Variants in ACER3 observed in about 807,000 individuals in gnomAD.
ACER3 encodes alkaline ceramidase 3.
ACER3 carries 16 observed loss-of-function variants against 48.9 expected under a neutral mutation model. That is an observed-to-expected ratio of 0.33 (90% CI 0.22 to 0.50). The LOEUF is 0.50. Among genes scored for constraint, ACER3 ranks in the 20% least tolerant of loss-of-function variants. The pLI, the probability that ACER3 is intolerant of heterozygous loss-of-function variation, is 0.98. For synonymous variants in ACER3, 109 were observed against 107.8 expected (o/e 1.01, Z -0.07); for missense variants, 227 against 326.0 (o/e 0.70, Z 2.34).
At position 76,866,290 on chromosome 11, in the gene ACER3, CTTCT is replaced by C. The variant is rs1210656533; in HGVS notation, c.103+5212_103+5215del. On this transcript the variant is annotated intron_variant, in intron 1 of 10. Transcript: ENST00000532485. ...TACATCATTCTTGGCCAATTCTCTC[CTTCT>C]GTTACTCAATTTTGTAACATGGCAC... is the stretch of plus-strand genomic sequence containing the variant. Among the ~76,000 whole-genome samples the C allele has an allele frequency of 2.0e-5, 3 of 152,092 alleles. No individual in the cohort carries two copies. The East Asian group carries it at 5.8e-4, about 29-fold the overall frequency.
At chr11:76,864,817 C>T (rs1182318774) in intron 1 of ACER3, among the ~76,000 whole-genome samples, 2 of 135,306 alleles carry the variant, frequency 1.5e-5, no homozygotes, top group African/African-American at 5.0e-5. Context: ...CCAGGCTGGT[C>T]TCGAACTCCT....
At chr11:76,990,491 C>T (rs758268163) in intron 5 of ACER3, 48 bp from the exon 6 acceptor site, 127 of 1,350,588 alleles carry the variant, frequency 9.4e-5, no homozygotes, top group Non-Finnish European at 1.3e-4. Context: ...GTTTTTCCCC[C>T]CTTCATAATG....
intron 2 of ACER3, among the ~76,000 whole-genome samples, chr11:76,951,106 A>G (rs1947655957): frequency 6.6e-6 from 1 of 152,220 alleles, no homozygotes; most frequent in Non-Finnish European, 1.5e-5. Context: ...TAAAATTTAT[A>G]TACTAAAATC....
intron 2 of ACER3, among the ~76,000 whole-genome samples, chr11:76,939,885 G>C (rs1947292060): frequency 6.6e-6 from 1 of 152,132 alleles, no homozygotes; most frequent in Non-Finnish European, 1.5e-5. Context: ...ATTCTGGGTT[G>C]GGGCATGAGG....
At chr11:76,950,799 T>C (rs1355482330) in intron 2 of ACER3, among the ~76,000 whole-genome samples, 9 of 151,912 alleles carry the variant, frequency 5.9e-5, no homozygotes, top group South Asian at 2.1e-4. Context: ...AGTTCCAAAG[T>C]TGATTTGGAG....
At chr11:77,017,477 G>A (rs921241005) in intron 9 of ACER3, among the ~76,000 whole-genome samples, 6 of 152,054 alleles carry the variant, frequency 3.9e-5, no homozygotes, top group Admixed American at 6.6e-5. Context: ...TAAGCAAAAC[G>A]CAAACAAATG....
chr11:76,890,955 CAA>C (rs1255935552), intron 1 of ACER3, among the ~76,000 whole-genome samples: 1 of 151,418 alleles, frequency 6.6e-6, no homozygotes, highest in Non-Finnish European at 1.5e-5. Flanking sequence ...CTGTCTCTAC[CAA>C]AAAATACAAA....
At chr11:76,864,520 T>TTA (rs1353595341) in intron 1 of ACER3, among the ~76,000 whole-genome samples, 5 of 151,776 alleles carry the variant, frequency 3.3e-5, no homozygotes, top group Middle Eastern at 6.8e-3. Context: ...ACTATTTTGT[T>TTA]TATAAAAATC....
At chr11:76,919,657 G>C (rs556891840) in intron 1 of ACER3, among the ~76,000 whole-genome samples, 1 of 152,094 alleles carries the variant, frequency 6.6e-6, no homozygotes, top group East Asian at 1.9e-4. Flanking sequence ...TTTTTTAATT[G>C]AATTTTCTGG....
chr11:76,904,292 C>T (rs1210509227), intron 1 of ACER3, among the ~76,000 whole-genome samples: 1 of 152,158 alleles, frequency 6.6e-6, no homozygotes, highest in African/African-American at 2.4e-5. Flanking sequence ...CTACTGCACT[C>T]TGCCCAACCC....
intron 1 of ACER3, among the ~76,000 whole-genome samples, chr11:76,871,554 C>G (rs1945240658): frequency 6.6e-6 from 1 of 152,058 alleles, no homozygotes; most frequent in African/African-American, 2.4e-5. Flanking sequence ...TATTTAAATC[C>G]CTGGAATCAA....
intron 1 of ACER3, among the ~76,000 whole-genome samples, chr11:76,894,529 T>C (rs980364141): frequency 2.0e-5 from 3 of 152,226 alleles, no homozygotes; most frequent in African/African-American, 7.2e-5. Context: ...TGGTAAGTCA[T>C]TTAATCTTTG....
intron 1 of ACER3, among the ~76,000 whole-genome samples, chr11:76,861,696 C>G (rs1944944663): frequency 6.6e-6 from 1 of 152,200 alleles, no homozygotes; most frequent in African/African-American, 2.4e-5. Context: ...TATGATTATT[C>G]AACTGTCATC....
At chr11:76,899,865 A>G (rs1278401852) in intron 1 of ACER3, among the ~76,000 whole-genome samples, 3 of 152,256 alleles carry the variant, frequency 2.0e-5, no homozygotes, top group Admixed American at 6.5e-5. Context: ...CCCCGACCCC[A>G]GTCAAAAATT....
Position 77,016,661 on chromosome 11 carries a change from C to G in ACER3, c.600-14C>G, listed in dbSNP as rs375913828. ...TTAAAAATTTAACGTGATTTTCTCC[C>G]TCTCTCCACACAGGAACTTTCGAAA... is the stretch of plus-strand genomic sequence containing the variant. On this transcript the variant is annotated splice_polypyrimidine_tract_variant and intron_variant, in intron 8 of 10. Coordinates refer to ENST00000532485, the MANE Select transcript of ACER3 (RefSeq NM_018367.7). The G allele has an allele frequency of 9.2e-6, 13 of 1,406,028 alleles. No individual in the cohort carries two copies. The highest frequency in any genetic ancestry group is 1.3e-5 in the Non-Finnish European group (13 of 1,017,610). The allele number at this position is 1,406,028 out of a possible 1,614,324, so 87.1% of individuals were successfully genotyped here.
chr11:76,923,053 A>C (rs1295464418), intron 1 of ACER3, among the ~76,000 whole-genome samples: 1 of 152,054 alleles, frequency 6.6e-6, no homozygotes, highest in Non-Finnish European at 1.5e-5. Context: ...AAAAATCTAG[A>C]TAATGCTAAA....
At chr11:76,885,976 C>T (rs1434917870) in intron 1 of ACER3, among the ~76,000 whole-genome samples, 2 of 152,084 alleles carry the variant, frequency 1.3e-5, no homozygotes, top group African/African-American at 2.4e-5. Context: ...AAGCCGTTGT[C>T]GTGAGCATGC....
intron 2 of ACER3, among the ~76,000 whole-genome samples, chr11:76,927,438 A>G (rs1214399178): frequency 7.0e-6 from 1 of 142,082 alleles, no homozygotes; most frequent in African/African-American, 2.5e-5. Context: ...TAGTAGTTTC[A>G]TTTCTTCATT....
chr11:77,010,172 T>TAAC lies in ACER3; in HGVS notation c.498-4842_498-4841insCAA, dbSNP rs1487531078. 6.0e-3 allele frequency among the ~76,000 whole-genome samples: 320 copies of TAAC among 53,066 alleles called. 1 individual carries two copies. Among genetic ancestry groups the TAAC allele is most frequent in the African/African-American group, 0.012 (311 of 26,254 alleles). 34.8% of individuals were successfully genotyped at this position (53,066 alleles called of 152,430 possible). ...ACCCTGTCTCTACCAGAAATAATAA[T>TAAC]AATAATAATAATAATAATAATAATA... On this transcript the variant is annotated intron_variant, in intron 7 of 10. Coordinates refer to ENST00000532485, the MANE Select transcript of ACER3 (RefSeq NM_018367.7).
Sources: gnomAD v4.1 joint callset for allele counts (sites outside exome capture counted in the v4.1 genomes callset) on GRCh38, gnomAD v4.1.1 for gene constraint, MANE v1.5 for transcripts, NCBI Gene and HGNC (gene_info 2026-07-23, HGNC 2026-07-21) for gene names.